The following C8orf34 variants were observed in gnomAD, a reference collection of about 807,000 sequenced individuals.
The protein encoded by C8orf34 is chromosome 8 open reading frame 34.
C8orf34 carries 65 observed loss-of-function variants against 68.3 expected under a neutral mutation model. That is an observed-to-expected ratio of 0.95 (90% CI 0.78 to 1.17). The LOEUF (loss-of-function observed/expected upper bound fraction) is 1.17. Among genes scored for constraint, C8orf34 ranks in the 50% most tolerant of loss-of-function variants. The probability of loss-of-function intolerance (pLI) is 0.00; values close to 1 mark genes in which losing one functional copy is unlikely to be tolerated. For missense variants in C8orf34, 664 were observed against 655.4 expected, an observed-to-expected ratio of 1.01 and a Z score of -0.14; for synonymous variants, 244 against 241.2, an observed-to-expected ratio of 1.01 and a Z score of -0.11.
chr8:68,459,277 T>TG (rs1169293256), intron 3 of C8orf34, among the ~76,000 whole-genome samples: 1 of 152,190 alleles, frequency 6.6e-6, no homozygotes, highest in Admixed American at 6.5e-5. Context: ...TCACCCAGGC[T>TG]GGAGTGCAGT....
chr8:68,784,295 T>C (rs189385198), intron 11 of C8orf34, among the ~76,000 whole-genome samples: 4 of 152,316 alleles, frequency 2.6e-5, no homozygotes, highest in East Asian at 1.9e-4. Context: ...CATAATTAGA[T>C]TGGGTTAACG....
At chr8:68,398,231 GT>G (rs894988066) in intron 1 of C8orf34, among the ~76,000 whole-genome samples, 42 of 152,204 alleles carry the variant, frequency 2.8e-4, no homozygotes, top group Non-Finnish European at 4.6e-4. Context: ...ATATCCTATG[GT>G]TTTTATTTAG....
At chr8:68,576,832 G>A (rs570196726) in intron 7 of C8orf34, among the ~76,000 whole-genome samples, 1 of 151,892 alleles carries the variant, frequency 6.6e-6, no homozygotes, top group South Asian at 2.1e-4. Context: ...AAAAGAAACA[G>A]ATTAAATTTA....
At chr8:68,678,047 C>T (rs1820247419) in intron 8 of C8orf34, among the ~76,000 whole-genome samples, 1 of 152,130 alleles carries the variant, frequency 6.6e-6, no homozygotes. Context: ...AAATTCAGAA[C>T]CTAAACAGAC....
intron 1 of C8orf34, among the ~76,000 whole-genome samples, chr8:68,370,581 C>G (rs1420564752): frequency 6.6e-6 from 1 of 152,110 alleles, no homozygotes; most frequent in Non-Finnish European, 1.5e-5. Context: ...GGGTGAATGT[C>G]CAGTGTGCAC....
At chr8:68,589,628 AAGG>A (rs533004020) in intron 7 of C8orf34, among the ~76,000 whole-genome samples, 93 of 145,718 alleles carry the variant, frequency 6.4e-4, no homozygotes, top group African/African-American at 2.1e-3. Flanking sequence ...AAGAAGAAAG[AAGG>A]AGGAGAGAAG....
chr8:68,677,545 C>G (rs1397934566), intron 8 of C8orf34, among the ~76,000 whole-genome samples: 1 of 151,824 alleles, frequency 6.6e-6, no homozygotes, highest in East Asian at 1.9e-4. Context: ...TTTTTGTAGA[C>G]AAGTTTTCAT....
At chr8:68,745,339 T>C (rs2129527400) in intron 10 of C8orf34, among the ~76,000 whole-genome samples, 1 of 151,136 alleles carries the variant, frequency 6.6e-6, no homozygotes, top group Non-Finnish European at 1.5e-5. Context: ...ATGAGCAAAA[T>C]AACCAGCTAA....
At chr8:68,520,858 G>A (rs761614588) in intron 5 of C8orf34, among the ~76,000 whole-genome samples, 2 of 152,148 alleles carry the variant, frequency 1.3e-5, no homozygotes, top group Non-Finnish European at 2.9e-5. Context: ...TTCAGCTGAA[G>A]AGGCATTAAA....
intron 7 of C8orf34, among the ~76,000 whole-genome samples, chr8:68,577,045 C>T (rs1441986083): frequency 6.6e-6 from 1 of 151,886 alleles, no homozygotes; most frequent in South Asian, 2.1e-4. Context: ...CCTAACTACT[C>T]CTCCTCAAAG....
At chr8:68,663,182 C>T (rs117638788) in intron 8 of C8orf34, among the ~76,000 whole-genome samples, 3,348 of 152,310 alleles carry the variant, frequency 0.022, 50 homozygotes, top group Middle Eastern at 0.054. Context: ...ACCACCTCAT[C>T]ATAACTTAGG....
chr8:68,591,728 A>G (rs189711748), intron 7 of C8orf34, among the ~76,000 whole-genome samples: 3 of 152,344 alleles, frequency 2.0e-5, no homozygotes, highest in Admixed American at 6.5e-5. Flanking sequence ...CTGCTCTTAC[A>G]TGACATGTAT....
chr8:68,454,753 T>C lies in C8orf34; in HGVS notation c.607+8293T>C, dbSNP rs150974901. On this transcript the variant is annotated intron_variant, in intron 3 of 13. Coordinates refer to ENST00000518698, the MANE Select transcript of C8orf34 (RefSeq NM_052958.4). ...TTCTATATTCTGTTTCATTGATCTC[T>C]GCTTTAACCTTTACTATTTTCATCC... 2.0e-3 allele frequency among the ~76,000 whole-genome samples: 300 copies of C among 152,178 alleles called. 1 individual carries two copies. The highest frequency in any genetic ancestry group is 7.0e-3 in the African/African-American group (291 of 41,574).
intron 7 of C8orf34, among the ~76,000 whole-genome samples, chr8:68,582,052 A>T (rs1426372596): frequency 1.3e-5 from 2 of 152,124 alleles, no homozygotes; most frequent in Non-Finnish European, 2.9e-5. Flanking sequence ...CAGTCATAAG[A>T]GTTACAGCTG....
At chr8:68,483,161 A>G (rs959019224) in intron 4 of C8orf34, among the ~76,000 whole-genome samples, 2 of 152,214 alleles carry the variant, frequency 1.3e-5, no homozygotes, top group African/African-American at 4.8e-5. Context: ...AGATGCCTGG[A>G]AAGATGGAAG....
chr8:68,525,525 A>G, intron 6 of C8orf34: 4 of 795,868 alleles, frequency 5.0e-6, no homozygotes, highest in Admixed American at 2.0e-5. Flanking sequence ...CCCTAGAAAA[A>G]GAATCCCAGG....
chr8:68,617,621 G>C (rs955657895), intron 7 of C8orf34, among the ~76,000 whole-genome samples: 6 of 152,300 alleles, frequency 3.9e-5, no homozygotes, highest in South Asian at 2.1e-4. Flanking sequence ...CCCTCACTCT[G>C]TTCTGGCTTG....
rs190601810 is a variant in C8orf34, at chr8:68,458,502, G to A, written c.608-10190G>A. On this transcript the variant is annotated intron_variant, in intron 3 of 13. Transcript: ENST00000518698. ...ATTTTGTAAATTAAAAAGAAAATAT[G>A]AAGAGAGACCTTGATAACATATAGT... Among the ~76,000 whole-genome samples the A allele has an allele frequency of 2.1e-3, 325 of 152,302 alleles. 1 individual carries two copies. Among genetic ancestry groups the A allele is most frequent in the African/African-American group, 7.0e-3 (292 of 41,552 alleles).
At chr8:68,799,626 G>C (rs957855604) in intron 12 of C8orf34, among the ~76,000 whole-genome samples, 1 of 152,086 alleles carries the variant, frequency 6.6e-6, no homozygotes, top group Non-Finnish European at 1.5e-5. Context: ...CCCCCTTAAA[G>C]CAATCATATT....
Sources: gnomAD v4.1 joint callset for allele counts (sites outside exome capture counted in the v4.1 genomes callset) on GRCh38, gnomAD v4.1.1 for gene constraint, MANE v1.5 for transcripts, NCBI Gene and HGNC (gene_info 2026-07-23, HGNC 2026-07-21) for gene names.